Variants in PDE6D observed in about 807,000 individuals in gnomAD.
The protein encoded by PDE6D is phosphodiesterase 6D.
A neutral mutation model predicts 21.9 loss-of-function variants in PDE6D; 10 were observed. That is an observed-to-expected ratio of 0.46 (90% confidence interval 0.28 to 0.78). The LOEUF (loss-of-function observed/expected upper bound fraction) is 0.78. Among genes scored for constraint, PDE6D ranks in the 30% least tolerant of loss-of-function variants. PDE6D has a pLI of 0.12. For missense variants in PDE6D, 139 were observed against 184.8 expected (o/e 0.75, Z 1.44); for synonymous variants, 59 against 63.5 (o/e 0.93, Z 0.34).
In PDE6D at chr2:231,765,612, T is replaced by A. The variant is rs576219127; in HGVS notation, c.50+15453A>T. Among the ~76,000 whole-genome samples, 11 of 152,296 alleles carry A rather than the reference T, an allele frequency of 7.2e-5. No individual in the cohort carries two copies. The East Asian group carries it at 2.1e-3, about 29-fold the overall frequency. On this transcript the variant is annotated intron_variant, in intron 1 of 4. Coordinates refer to ENST00000287600, the MANE Select transcript of PDE6D (RefSeq NM_002601.4). ...TCTACTATGGCAGACCAGAGCACTA[T>A]GAGGCAAAGCTTCAAAACCAAGGTC...
rs2048734324 is a variant in PDE6D at position 231,739,995 on chromosome 2, A to G, written c.51-807T>C. On this transcript the variant is annotated intron_variant, in intron 1 of 4. Coordinates refer to ENST00000287600, the MANE Select transcript of PDE6D (RefSeq NM_002601.4). This position sits in a 1 kb window ranked among gnomAD's most constrained non-coding sequence, Gnocchi z 4.2. ...CAAAACAAACTAAAAGAAAAAAGTAACTTAGAAGAATAAAGAGGCTTACAG... is the reference window on the plus strand; with the variant it reads ...CAAAACAAACTAAAAGAAAAAAGTAGCTTAGAAGAATAAAGAGGCTTACAG... Among the ~76,000 whole-genome samples, 1 of 152,190 alleles carries G rather than the reference A, an allele frequency of 6.6e-6. No individual in the cohort carries two copies. The highest frequency in any genetic ancestry group is 2.1e-4 in the South Asian group (1 of 4,828).
intron 1 of PDE6D, among the ~76,000 whole-genome samples, chr2:231,764,746 C>A (rs902364013): frequency 2.0e-5 from 3 of 152,188 alleles, no homozygotes; most frequent in Admixed American, 1.3e-4. Flanking sequence ...CTTGTTTATA[C>A]CTGTGTCACA....
intron 1 of PDE6D, among the ~76,000 whole-genome samples, chr2:231,741,312 A>G (rs2048747815): frequency 6.6e-6 from 1 of 152,178 alleles, no homozygotes; most frequent in Non-Finnish European, 1.5e-5. Context: ...GTAGGAGACA[A>G]CTTAGCAGGG....
In PDE6D at chr2:231,735,751, C is replaced by T. The variant is rs542376339; in HGVS notation, c.371+1436G>A. On this transcript the variant is annotated intron_variant, in intron 4 of 4. Coordinates refer to ENST00000287600, the MANE Select transcript of PDE6D (RefSeq NM_002601.4). Reference sequence around the variant, plus strand: ...AAAAACTTTAAAAAGGGGCTGGGCACGGTGGCTCATGCCTGTAATCCCAGC... The same window carrying T: ...AAAAACTTTAAAAAGGGGCTGGGCATGGTGGCTCATGCCTGTAATCCCAGC... Among the ~76,000 whole-genome samples, 5 of 151,506 alleles carry T rather than the reference C, an allele frequency of 3.3e-5. No homozygotes were observed. In the South Asian group the frequency reaches 1.1e-3, roughly 32 times the overall value.
chr2:231,781,264 C>G lies in PDE6D; in HGVS notation c.-150G>C. 1 of 671,730 alleles carries G rather than the reference C, an allele frequency of 1.5e-6. No homozygotes were observed. The allele number at this position is 671,730 out of a possible 1,614,324, so 41.6% of individuals were successfully genotyped here. A position where few individuals can be genotyped will look rare whatever the true frequency, so the allele number is the denominator to read the frequency against. Reference sequence around the variant, plus strand: ...AGACCAGGACCGGCCTCTCTCTCCCCTCAGCTCCCGCTTCTGATCCCTTCT... The same window carrying G: ...AGACCAGGACCGGCCTCTCTCTCCCGTCAGCTCCCGCTTCTGATCCCTTCT... On this transcript the variant is annotated 5_prime_UTR_variant, in exon 1 of 5. Transcript: ENST00000287600.
At position 231,733,053 on chromosome 2, in the gene PDE6D, C is replaced by G; in HGVS notation, c.372-20G>C. On this transcript the variant is annotated intron_variant, in intron 4 of 4. Coordinates refer to ENST00000287600, the MANE Select transcript of PDE6D (RefSeq NM_002601.4). Reference sequence around the variant, plus strand: ...TTCCCACTGTAAGTAAGAAGAGAAACAGAGGGCAAAAGAGAGTGAGCATGT... The same window carrying G: ...TTCCCACTGTAAGTAAGAAGAGAAAGAGAGGGCAAAAGAGAGTGAGCATGT... The G allele has an allele frequency of 1.3e-6, 2 of 1,501,112 alleles. No individual in the cohort carries two copies. Among genetic ancestry groups the G allele is most frequent in the South Asian group, 1.1e-5 (1 of 88,172 alleles). 93.0% of individuals were successfully genotyped at this position (1,501,112 alleles called of 1,614,324 possible). A position where few individuals can be genotyped will look rare whatever the true frequency, so the allele number is the denominator to read the frequency against.
chr2:231,734,685 TAA>T (rs534122829), intron 4 of PDE6D, among the ~76,000 whole-genome samples: 1 of 132,248 alleles, frequency 7.6e-6, no homozygotes, highest in Non-Finnish European at 1.6e-5. Flanking sequence ...ACTAAAAATA[TAA>T]AAAAAAAAAA....
intron 1 of PDE6D, chr2:231,779,410 G>C (rs976573895): frequency 1.3e-5 from 2 of 152,166 alleles, no homozygotes; most frequent in Admixed American, 1.3e-4. Context: ...CCATTAAAAA[G>C]GCCTTTCTTC....
Position 231,739,400 on chromosome 2 carries a change from G to C in PDE6D, c.51-212C>G, listed in dbSNP as rs2048730020. 1 of 665,022 alleles carries C rather than the reference G, an allele frequency of 1.5e-6. No individual in the cohort carries two copies. The highest frequency in any genetic ancestry group is 2.8e-6 in the Non-Finnish European group (1 of 357,782). 41.2% of individuals were successfully genotyped at this position (665,022 alleles called of 1,614,324 possible). ...ACCTAGAGAAGTTACTTTTATCTAT[G>C]AGAATCCTAAGACTGCACACACCTA... On this transcript the variant is annotated intron_variant, in intron 1 of 4. Coordinates refer to ENST00000287600, the MANE Select transcript of PDE6D (RefSeq NM_002601.4). The surrounding 1 kb of genome is among the most constrained non-coding windows in gnomAD (Gnocchi z 4.2).
At chr2:231,776,990 A>G (rs916550924) in intron 1 of PDE6D, among the ~76,000 whole-genome samples, 2 of 152,240 alleles carry the variant, frequency 1.3e-5, no homozygotes, top group Admixed American at 6.5e-5. Context: ...CCACTATGCT[A>G]TATTACCTTG....
intron 1 of PDE6D, among the ~76,000 whole-genome samples, chr2:231,744,384 A>G (rs553187778): frequency 1.4e-4 from 21 of 152,260 alleles, no homozygotes; most frequent in Non-Finnish European, 2.4e-4. Context: ...TTTCCACAAC[A>G]TGAATGTCTT....
intron 4 of PDE6D, among the ~76,000 whole-genome samples, chr2:231,734,190 C>T (rs838421): frequency 2.7e-5 from 4 of 150,868 alleles, no homozygotes; most frequent in South Asian, 2.1e-4. Context: ...CTCCAGCCTC[C>T]GCGACAGAGC....
chr2:231,769,528 T>A (rs1007981860), intron 1 of PDE6D, among the ~76,000 whole-genome samples: 20 of 148,154 alleles, frequency 1.3e-4, no homozygotes, highest in South Asian at 6.3e-4. Flanking sequence ...TCTCTCTCTC[T>A]CACACACACA....
chr2:231,767,650 AC>A (rs2048982740), intron 1 of PDE6D, among the ~76,000 whole-genome samples: 1 of 152,118 alleles, frequency 6.6e-6, no homozygotes, highest in South Asian at 2.1e-4. Context: ...AGTGACTTGT[AC>A]AAAGTCAGCT....
intron 1 of PDE6D, among the ~76,000 whole-genome samples, chr2:231,749,386 G>A (rs1386693007): frequency 6.6e-6 from 1 of 152,026 alleles, no homozygotes; most frequent in Non-Finnish European, 1.5e-5. Flanking sequence ...TGGAATGGCT[G>A]TATTTACTCA....
At chr2:231,771,030 G>A (rs191360323) in intron 1 of PDE6D, among the ~76,000 whole-genome samples, 29 of 151,772 alleles carry the variant, frequency 1.9e-4, no homozygotes, top group African/African-American at 7.0e-4. Flanking sequence ...AGAGGCTGAG[G>A]TGGGAGGATC....
At position 231,738,013 on chromosome 2, in the gene PDE6D, C is replaced by T. The variant is rs2048717013; in HGVS notation, c.265G>A (p.Glu89Lys). ...TTCAGGCATGTAGGCAGCAGAATAC[C>T]TTCTAGGCATTGCCCTTTGAAGTAA... ...KVYFKGQCLE[E>K]WFFEFGFVIP... Residue 89 changes from glutamate to lysine, a missense_variant and splice_region_variant, in exon 3 of 5, where the codon GAA becomes AAA. Physicochemically the swap from Glu to Lys is moderately conservative, Grantham distance 56. Coordinates refer to ENST00000287600, the MANE Select transcript of PDE6D (RefSeq NM_002601.4). 6.2e-7 allele frequency: 1 copy of T among 1,613,706 alleles called. No homozygotes were observed. The highest frequency in any genetic ancestry group is 8.5e-7 in the Non-Finnish European group (1 of 1,179,798).
At chr2:231,775,614 C>A (rs1290478809) in intron 1 of PDE6D, among the ~76,000 whole-genome samples, 1 of 151,932 alleles carries the variant, frequency 6.6e-6, no homozygotes, top group Non-Finnish European at 1.5e-5. Context: ...TGAGCCCCTG[C>A]ACCCGGAAGA....
chr2:231,737,980 G>C lies in PDE6D; in HGVS notation c.265+33C>G. 1 of 1,601,938 alleles carries C rather than the reference G, an allele frequency of 6.2e-7. No individual in the cohort carries two copies. The highest frequency in any genetic ancestry group is 8.5e-7 in the Non-Finnish European group (1 of 1,173,706). ...TTGCCTTTTGTCCTGGTCGCCCTAA[G>C]CCCTGATTTCAGGCATGTAGGCAGC... On this transcript the variant is annotated intron_variant, in intron 3 of 4. Transcript: ENST00000287600.
Sources: gnomAD v4.1 joint callset for allele counts (sites outside exome capture counted in the v4.1 genomes callset) on GRCh38, gnomAD v4.1.1 for gene constraint, Gnocchi (gnomAD v3.1) non-coding constraint, MANE v1.5 for transcripts, NCBI Gene and HGNC (gene_info 2026-07-23, HGNC 2026-07-21) for gene names.